Variants in LRIG1 observed in about 807,000 individuals in gnomAD.
The protein encoded by LRIG1 is leucine-rich repeats and immunoglobulin-like domains protein 1.
Under a neutral mutation model 99.2 loss-of-function variants are expected in LRIG1, and 48 were observed. The observed-to-expected ratio is 0.48, with a 90% CI of 0.38 to 0.62. LRIG1 has a LOEUF of 0.62. Ranked by LOEUF, LRIG1 falls within the 20% of genes least tolerant of loss-of-function variation. The pLI is 0.00. For synonymous variants in LRIG1, 772 were observed against 596.1 expected (o/e 1.29, Z -4.30); for missense variants, 1,646 against 1,434.4 (o/e 1.15, Z -2.38).
chr3:66,434,531 G>C (rs1367058700), intron 3 of LRIG1, among the ~76,000 whole-genome samples: 2 of 152,100 alleles, frequency 1.3e-5, no homozygotes, highest in African/African-American at 4.8e-5. Context: ...TGGATCATTT[G>C]AGGTCAGGAG....
intron 11 of LRIG1, among the ~76,000 whole-genome samples, chr3:66,395,477 C>G (rs1701809085): frequency 6.6e-6 from 1 of 152,214 alleles, no homozygotes. Flanking sequence ...CCCATCACCC[C>G]TAGATGAGTT....
chr3:66,407,639 AC>A, intron 7 of LRIG1, 148 bp from the exon 8 acceptor site: 1 of 804,644 alleles, frequency 1.2e-6, no homozygotes, highest in Non-Finnish European at 2.0e-6. Context: ...ACACACCCAC[AC>A]CCACAGAATC....
chr3:66,386,255 C>T lies in LRIG1; in HGVS notation c.1515G>A (p.Met505Ile), dbSNP rs149080122. 748 of 1,614,068 alleles carry T rather than the reference C, an allele frequency of 4.6e-4. 3 individuals are homozygous for T. In the African/African-American group the frequency reaches 9.3e-3, roughly 20 times the overall value. Residue 505 changes from methionine (M) to isoleucine (I), a missense_variant, in exon 13 of 19, where the codon ATG (methionine) becomes ATA (isoleucine). Coordinates refer to ENST00000273261, the MANE Select transcript of LRIG1 (RefSeq NM_015541.3). ...ACCGGATGTCCTTGCCCACCATAGCCATGGTGGTTTCTGGCTGGGTGATGA... is the reference window on the plus strand; with the variant it reads ...ACCGGATGTCCTTGCCCACCATAGCTATGGTGGTTTCTGGCTGGGTGATGA... ...PQIITQPETT[M>I]AMVGKDIRFT...
Position 66,414,995 on chromosome 3 carries a change from A to C in LRIG1, c.572T>G (p.Leu191Arg). 1 of 1,613,346 alleles carries C rather than the reference A, an allele frequency of 6.2e-7. No homozygotes were observed. The highest frequency in any genetic ancestry group is 8.5e-7 in the Non-Finnish European group (1 of 1,179,596). ...GAFDGLSRSL[L>R]TLRLSKNRIT... ...CCTGTTTTTGCTCAGGCGAAGAGTTAGCAGCGACCGTGACAGACCATCAAA... is the reference window on the plus strand; with the variant it reads ...CCTGTTTTTGCTCAGGCGAAGAGTTCGCAGCGACCGTGACAGACCATCAAA... Residue 191 changes from leucine (L) to arginine (R), a missense_variant, in exon 5 of 19, where the codon CTA becomes CGA. Leu to Arg is a moderately radical substitution (Grantham distance 102, BLOSUM62 -2). Transcript: ENST00000273261.
At position 66,487,313 on chromosome 3, in the gene LRIG1, G is replaced by C. The variant is rs747800267; in HGVS notation, c.218+12877C>G. 2.6e-5 allele frequency among the ~76,000 whole-genome samples: 4 copies of C among 152,272 alleles called. No individual in the cohort carries two copies. The South Asian group carries it at 8.3e-4, about 32-fold the overall frequency. ...CTCCAGAGGGGAAAACAGACCCTCA[G>C]CACAAAGAAAATGGCCTTTTACTCC... On this transcript the variant is annotated intron_variant, in intron 1 of 18. Coordinates refer to ENST00000273261, the MANE Select transcript of LRIG1 (RefSeq NM_015541.3).
intron 11 of LRIG1, among the ~76,000 whole-genome samples, chr3:66,396,204 T>A (rs1304638844): frequency 6.6e-6 from 1 of 152,118 alleles, no homozygotes; most frequent in Non-Finnish European, 1.5e-5. Context: ...GACAGCATGT[T>A]CCTAAACAGC....
intron 3 of LRIG1, among the ~76,000 whole-genome samples, chr3:66,437,535 G>C (rs777249415): frequency 6.6e-6 from 1 of 152,072 alleles, no homozygotes; most frequent in Non-Finnish European, 1.5e-5. Context: ...CCCCTCAGCA[G>C]GCCACTTCTA....
At chr3:66,402,042 T>G (rs1702078370) in intron 9 of LRIG1, among the ~76,000 whole-genome samples, 1 of 152,052 alleles carries the variant, frequency 6.6e-6, no homozygotes, top group Non-Finnish European at 1.5e-5. Flanking sequence ...TAGGCAGGGA[T>G]GGAGGCTGCG....
intron 1 of LRIG1, among the ~76,000 whole-genome samples, chr3:66,475,857 A>G (rs1273670937): frequency 3.9e-5 from 6 of 152,230 alleles, no homozygotes; most frequent in African/African-American, 1.2e-4. Flanking sequence ...GTCAATATTT[A>G]TCTAAGGCCT....
At chr3:66,492,695 A>G (rs539379903) in intron 1 of LRIG1, among the ~76,000 whole-genome samples, 1 of 152,182 alleles carries the variant, frequency 6.6e-6, no homozygotes, top group South Asian at 2.1e-4. Flanking sequence ...AAACTGAACA[A>G]GCAGTAATTA....
chr3:66,383,946 G>A lies in LRIG1; in HGVS notation c.2071+45C>T, dbSNP rs376907545. 39 of 842,436 alleles carry A rather than the reference G, an allele frequency of 4.6e-5. No homozygotes were observed. The highest frequency in any genetic ancestry group is 9.0e-5 in the East Asian group (2 of 22,226). The allele number at this position is 842,436 out of a possible 1,614,324, so 52.2% of individuals were successfully genotyped here. ...GAGCATTTGAGAGTCTCTCTCTCTC[G>A]CTCACACACACACACACACACACAC... On this transcript the variant is annotated intron_variant, in intron 14 of 18. Transcript: ENST00000273261.
intron 3 of LRIG1, among the ~76,000 whole-genome samples, chr3:66,450,140 G>A (rs17776049): frequency 0.06 from 9,103 of 152,174 alleles, 350 homozygotes; most frequent in South Asian, 0.14. Flanking sequence ...AACCAAGTGG[G>A]TACAAAATAA....
At chr3:66,432,880 G>C (rs1451652714) in intron 3 of LRIG1, among the ~76,000 whole-genome samples, 1 of 152,124 alleles carries the variant, frequency 6.6e-6, no homozygotes, top group African/African-American at 2.4e-5. Context: ...AGATACAGAG[G>C]GAACAAGAAG....
At chr3:66,418,285 A>G (rs927146571) in intron 3 of LRIG1, among the ~76,000 whole-genome samples, 1 of 151,934 alleles carries the variant, frequency 6.6e-6, no homozygotes, top group African/African-American at 2.4e-5. Flanking sequence ...AGTAGAGACA[A>G]GGTTTCACCG....
rs750006563 is a variant in LRIG1 at position 66,500,381 on chromosome 3, G to A, written c.27C>T (p.Leu9=). The change falls in exon 1 of 19, where the codon CTC becomes CTT. Residue 9 remains leucine (L), a synonymous_variant. Coordinates refer to ENST00000273261, the MANE Select transcript of LRIG1 (RefSeq NM_015541.3). MARPVRGG[L]GAPRRSPCLL... ...GGCAAGGCGAGCGGCGCGGGGCCCC[G>A]AGCCCTCCCCGGACCGGCCGCGCCA... 97 of 1,470,724 alleles carry A rather than the reference G, an allele frequency of 6.6e-5. 1 individual carries two copies. In the African/African-American group the frequency reaches 1.2e-3, roughly 18 times the overall value. 91.1% of individuals were successfully genotyped at this position (1,470,724 alleles called of 1,614,324 possible).
intron 1 of LRIG1, among the ~76,000 whole-genome samples, chr3:66,499,398 G>A (rs1419014514): frequency 6.6e-6 from 1 of 152,200 alleles, no homozygotes; most frequent in Non-Finnish European, 1.5e-5. Context: ...CATTTATGGA[G>A]GAGAGAGTCT....
Position 66,474,874 on chromosome 3 carries a change from T to C in LRIG1, c.219-12365A>G, listed in dbSNP as rs187562433. ...TTTTAAAGCCAATCACCAGCAAAGG[T>C]GGTTAAGAGCCTTGTCAAAAGTCAA... is the stretch of plus-strand genomic sequence containing the variant. On this transcript the variant is annotated intron_variant, in intron 1 of 18. Coordinates refer to ENST00000273261, the MANE Select transcript of LRIG1 (RefSeq NM_015541.3). Among the ~76,000 whole-genome samples, 135 of 152,272 alleles carry C rather than the reference T, an allele frequency of 8.9e-4. No individual in the cohort carries two copies. The East Asian group carries it at 0.021, about 24-fold the overall frequency.
chr3:66,464,661 G>A (rs1169819139), intron 1 of LRIG1, among the ~76,000 whole-genome samples: 1 of 152,184 alleles, frequency 6.6e-6, no homozygotes, highest in Non-Finnish European at 1.5e-5. Context: ...GGCCTGGATA[G>A]AGCTAGGGCT....
chr3:66,435,651 C>A (rs59750788), intron 3 of LRIG1, among the ~76,000 whole-genome samples: 11,500 of 152,166 alleles, frequency 0.076, 1,479 homozygotes, highest in East Asian at 0.63. Flanking sequence ...GGGGAGAGAT[C>A]CTTGCAATGA....
Sources: allele counts gnomAD v4.1 joint callset (sites outside exome capture counted in the v4.1 genomes callset), GRCh38; gene constraint gnomAD v4.1.1; transcripts MANE v1.5; gene names NCBI Gene and HGNC (gene_info 2026-07-23, HGNC 2026-07-21).